The following MACROD2 variants were observed in gnomAD, a reference collection of about 807,000 sequenced individuals.
The protein encoded by MACROD2 is mono-ADP ribosylhydrolase 2, also known as ADP-ribose glycohydrolase MACROD2.
A neutral mutation model predicts 70.4 loss-of-function variants in MACROD2; 36 were observed. The ratio of observed to expected loss-of-function variants is 0.51; its 90% confidence interval spans 0.39 to 0.68. The LOEUF is 0.68. Among genes scored for constraint, MACROD2 ranks in the 30% least tolerant of loss-of-function variants. The pLI is 0.00. For missense variants in MACROD2, 496 were observed against 538.4 expected (o/e 0.92, Z 0.78); for synonymous variants, 172 against 178.8 (o/e 0.96, Z 0.30).
intron 4 of MACROD2, among the ~76,000 whole-genome samples, chr20:14,650,344 T>C (rs1295896108): frequency 6.6e-6 from 1 of 152,220 alleles, no homozygotes; most frequent in Non-Finnish European, 1.5e-5. Context: ...TGACTTCTTA[T>C]TTTGTTCAGG....
chr20:15,044,391 C>T (rs1268527554), intron 5 of MACROD2, among the ~76,000 whole-genome samples: 1 of 152,288 alleles, frequency 6.6e-6, no homozygotes, highest in South Asian at 2.1e-4. Context: ...TTCAAAATGG[C>T]ACAATCAAGA....
intron 12 of MACROD2, among the ~76,000 whole-genome samples, chr20:15,944,885 GC>G (rs1374868581): frequency 6.6e-6 from 1 of 152,072 alleles, no homozygotes; most frequent in Non-Finnish European, 1.5e-5. Context: ...AACATACACA[GC>G]TTTATGTGAA....
chr20:14,865,225 A>G (rs2073415368), intron 5 of MACROD2, among the ~76,000 whole-genome samples: 1 of 152,056 alleles, frequency 6.6e-6, no homozygotes, highest in Non-Finnish European at 1.5e-5. Context: ...TGCCTTGGCA[A>G]CGTCTCTGCC....
intron 3 of MACROD2, among the ~76,000 whole-genome samples, chr20:14,160,148 T>G (rs1445729630): frequency 6.6e-6 from 1 of 152,218 alleles, no homozygotes; most frequent in Non-Finnish European, 1.5e-5. Flanking sequence ...GACTTTTACC[T>G]CTATGTTCAT....
intron 4 of MACROD2, among the ~76,000 whole-genome samples, chr20:14,548,366 A>G (rs1482698124): frequency 6.6e-6 from 1 of 152,044 alleles, no homozygotes; most frequent in East Asian, 1.9e-4. Context: ...TTTCTACTAT[A>G]TCTTTTTTTT....
At chr20:15,156,227 TAG>T (rs2076306103) in intron 5 of MACROD2, among the ~76,000 whole-genome samples, 1 of 152,210 alleles carries the variant, frequency 6.6e-6, no homozygotes, top group Non-Finnish European at 1.5e-5. Context: ...CTGCATTCTA[TAG>T]TAAAAATCCT....
At chr20:15,797,633 A>G (rs948194404) in intron 8 of MACROD2, among the ~76,000 whole-genome samples, 1 of 152,228 alleles carries the variant, frequency 6.6e-6, no homozygotes, top group Non-Finnish European at 1.5e-5. Flanking sequence ...CTACAAGGGA[A>G]GCTGGAAAAG....
intron 3 of MACROD2, among the ~76,000 whole-genome samples, chr20:14,087,028 A>G (rs1372717582): frequency 6.6e-6 from 1 of 152,188 alleles, no homozygotes; most frequent in Admixed American, 6.5e-5. Flanking sequence ...ACATTGTTCA[A>G]GGATATTGTA....
chr20:14,340,865 G>A (rs1048964478), intron 3 of MACROD2, among the ~76,000 whole-genome samples: 2 of 152,124 alleles, frequency 1.3e-5, no homozygotes, highest in African/African-American at 4.8e-5. Flanking sequence ...TTCTTTGTTT[G>A]TTTTTATGAG....
chr20:15,835,968 CTCTGTT>C (rs2064109900), intron 8 of MACROD2, among the ~76,000 whole-genome samples: 1 of 152,208 alleles, frequency 6.6e-6, no homozygotes, highest in Non-Finnish European at 1.5e-5. Context: ...CCACAATCTG[CTCTGTT>C]TCTAAGAAGC....
chr20:15,611,072 A>G lies in MACROD2; in HGVS notation c.645+111225A>G, dbSNP rs560156078. 3.0e-5 allele frequency among the ~76,000 whole-genome samples: 4 copies of G among 135,500 alleles called. No individual in the cohort carries two copies. In the South Asian group the frequency reaches 9.0e-4, roughly 31 times the overall value. The allele number at this position is 135,500 out of a possible 152,430, so 88.9% of individuals were successfully genotyped here. On this transcript the variant is annotated intron_variant, in intron 8 of 17. Transcript: ENST00000684519. ...CTCAGTCTGCCAATACCCATGGATC[A>G]TGATTGCTATTTTGCAATCCTAAGA...
intron 4 of MACROD2, among the ~76,000 whole-genome samples, chr20:14,551,580 A>C (rs1358034316): frequency 6.6e-6 from 1 of 152,204 alleles, no homozygotes; most frequent in African/African-American, 2.4e-5. Context: ...GAGGGTGATC[A>C]CTACTGCCCA....
intron 6 of MACROD2, among the ~76,000 whole-genome samples, chr20:15,340,861 A>T (rs892423015): frequency 1.3e-5 from 2 of 151,890 alleles, no homozygotes; most frequent in Non-Finnish European, 2.9e-5. Flanking sequence ...TATATATGGT[A>T]AATTTTTTGT....
At chr20:16,024,688 C>A (rs963124544) in intron 15 of MACROD2, among the ~76,000 whole-genome samples, 1 of 152,142 alleles carries the variant, frequency 6.6e-6, no homozygotes, top group Non-Finnish European at 1.5e-5. Context: ...AGATTAAATA[C>A]GACAGAACCA....
chr20:14,002,225 AT>A (rs1391937038), intron 1 of MACROD2, 62 bp from the exon 2 acceptor site: 2 of 1,094,334 alleles, frequency 1.8e-6, no homozygotes, highest in East Asian at 4.9e-5. Context: ...TACTTAAAGT[AT>A]AAAAATAATT....
intron 4 of MACROD2, among the ~76,000 whole-genome samples, chr20:14,630,594 T>G (rs540639527): frequency 6.6e-6 from 1 of 152,342 alleles, no homozygotes; most frequent in Non-Finnish European, 1.5e-5. Context: ...CCTTCTAGAT[T>G]ATTGAACACT....
At chr20:14,317,515 C>T (rs765599029) in intron 3 of MACROD2, among the ~76,000 whole-genome samples, 2 of 151,004 alleles carry the variant, frequency 1.3e-5, no homozygotes, top group African/African-American at 2.4e-5. Flanking sequence ...ACTTGGGAGT[C>T]TGAGGCAGGA....
intron 6 of MACROD2, among the ~76,000 whole-genome samples, chr20:15,366,334 A>G (rs2045409017): frequency 2.6e-5 from 4 of 152,136 alleles, no homozygotes; most frequent in Admixed American, 2.6e-4. Context: ...AATATCATCT[A>G]CCAGAAAAAT....
intron 5 of MACROD2, among the ~76,000 whole-genome samples, chr20:14,996,852 G>C (rs1283280289): frequency 6.6e-6 from 1 of 152,192 alleles, no homozygotes; most frequent in African/African-American, 2.4e-5. Flanking sequence ...GCGGGTTTGA[G>C]CTAGCTCCAC....
Sources: gnomAD v4.1 joint callset for allele counts (sites outside exome capture counted in the v4.1 genomes callset) on GRCh38, gnomAD v4.1.1 for gene constraint, MANE v1.5 for transcripts, NCBI Gene and HGNC (gene_info 2026-07-23, HGNC 2026-07-21) for gene names.